The following PHACTR4 variants were observed in gnomAD, a reference collection of about 807,000 sequenced individuals.
PHACTR4 encodes phosphatase and actin regulator 4.
In PHACTR4, 51 loss-of-function variants were observed where a neutral mutation model predicts 72.7. That is an observed-to-expected ratio of 0.70 (90% CI 0.56 to 0.89). The LOEUF (loss-of-function observed/expected upper bound fraction) is 0.89. PHACTR4 is among the 40% of genes least tolerant of loss of function. The pLI, the probability that PHACTR4 is intolerant of heterozygous loss-of-function variation, is 0.00. For synonymous variants in PHACTR4, 255 were observed against 302.5 expected (o/e 0.84, Z 1.63); for missense variants, 731 against 861.8 (o/e 0.85, Z 1.90).
intron 4 of PHACTR4, among the ~76,000 whole-genome samples, chr1:28,460,509 CT>C (rs201865724): frequency 2.0e-5 from 3 of 149,494 alleles, no homozygotes; most frequent in South Asian, 4.2e-4. Flanking sequence ...TATTGCGTGT[CT>C]TTTTTTTCCC....
chr1:28,405,479 A>G (rs1569848797), intron 1 of PHACTR4, among the ~76,000 whole-genome samples: 1 of 151,740 alleles, frequency 6.6e-6, no homozygotes, highest in African/African-American at 2.4e-5. Context: ...GGTACAGGCC[A>G]CCATGCCCAG....
At chr1:28,371,160 T>G (rs1423859124) in intron 1 of PHACTR4, among the ~76,000 whole-genome samples, 1 of 152,172 alleles carries the variant, frequency 6.6e-6, no homozygotes, top group Non-Finnish European at 1.5e-5. Context: ...TTGCTGAAGC[T>G]TGAGTACAGT....
intron 8 of PHACTR4, among the ~76,000 whole-genome samples, chr1:28,478,321 T>G (rs1425162986): frequency 6.6e-6 from 1 of 152,198 alleles, no homozygotes; most frequent in African/African-American, 2.4e-5. Context: ...TTTAGTCTGA[T>G]TCCATATCTT....
At chr1:28,396,845 C>CTTTTTTTTTTTTTTTTT (rs60578939) in intron 1 of PHACTR4, among the ~76,000 whole-genome samples, 4 of 119,664 alleles carry the variant, frequency 3.3e-5, no homozygotes, top group African/African-American at 6.5e-5. Context: ...TTCTTTCTTT[C>CTTTTTTTTTTTTTTTTT]TTTTTTTTTT....
intron 2 of PHACTR4, among the ~76,000 whole-genome samples, chr1:28,458,387 A>T (rs1570019190): frequency 6.6e-6 from 1 of 152,074 alleles, no homozygotes; most frequent in East Asian, 1.9e-4. Context: ...AGCTTAAGCG[A>T]TCTGCCTGCC....
intron 8 of PHACTR4, 96 bp downstream of exon 8, chr1:28,476,387 AC>A: frequency 7.9e-7 from 1 of 1,265,594 alleles, no homozygotes; most frequent in Non-Finnish European, 1.1e-6. Flanking sequence ...GGAAACAGGT[AC>A]CTTCTCCCAT....
chr1:28,399,648 G>A (rs1653798580), intron 1 of PHACTR4, among the ~76,000 whole-genome samples: 1 of 152,104 alleles, frequency 6.6e-6, no homozygotes, highest in Non-Finnish European at 1.5e-5. Flanking sequence ...CAGGGATATA[G>A]TAGTGAACAG....
At chr1:28,473,047 G>C (rs1659670644) in intron 6 of PHACTR4, among the ~76,000 whole-genome samples, 2 of 151,094 alleles carry the variant, frequency 1.3e-5, no homozygotes, top group African/African-American at 4.9e-5. Context: ...GGCCAAGGCA[G>C]GTGGATCATT....
At chr1:28,433,670 C>T (rs1009301347) in intron 2 of PHACTR4, among the ~76,000 whole-genome samples, 1 of 151,494 alleles carries the variant, frequency 6.6e-6, no homozygotes, top group African/African-American at 2.4e-5. Flanking sequence ...GTTGGCCAGG[C>T]TGGTCTCAAA....
At chr1:28,470,299 A>G (rs1659481257) in intron 6 of PHACTR4, among the ~76,000 whole-genome samples, 1 of 151,862 alleles carries the variant, frequency 6.6e-6, no homozygotes, top group African/African-American at 2.4e-5. Flanking sequence ...AGATTGAGGT[A>G]AGAGGATTGG....
rs765644478 is a variant in PHACTR4 at position 28,491,024 on chromosome 1, T to C, written c.1878+12T>C. The C allele has an allele frequency of 5.0e-6, 8 of 1,609,612 alleles. No homozygotes were observed. Among genetic ancestry groups the C allele is most frequent in the Non-Finnish European group, 6.8e-6 (8 of 1,176,352 alleles). Reference sequence around the variant, plus strand: ...GGCTCACTAGAAAGGTACTACTGCCTGTGTGTTCAGTTAACTATATGTGTT... The same window carrying C: ...GGCTCACTAGAAAGGTACTACTGCCCGTGTGTTCAGTTAACTATATGTGTT... On this transcript the variant is annotated intron_variant, in intron 11 of 13. Coordinates refer to ENST00000373839, the MANE Select transcript of PHACTR4 (RefSeq NM_001048183.3).
intron 1 of PHACTR4, among the ~76,000 whole-genome samples, chr1:28,377,525 C>G (rs951683163): frequency 6.6e-6 from 1 of 152,022 alleles, no homozygotes; most frequent in Non-Finnish European, 1.5e-5. Context: ...CAGGCATGAG[C>G]CACCACACCC....
intron 9 of PHACTR4, among the ~76,000 whole-genome samples, chr1:28,483,834 A>T (rs1660450171): frequency 6.6e-6 from 1 of 151,086 alleles, no homozygotes; most frequent in South Asian, 2.1e-4. Context: ...GAGATAAATC[A>T]GCCATAATCC....
chr1:28,476,261 G>A lies in PHACTR4; in HGVS notation c.1576G>A (p.Asp526Asn). The A allele has an allele frequency of 6.2e-7, 1 of 1,601,360 alleles. No individual in the cohort carries two copies. Among genetic ancestry groups the A allele is most frequent in the Non-Finnish European group, 8.5e-7 (1 of 1,176,628 alleles). Residue 526 changes from aspartate to asparagine, a missense_variant, in exon 8 of 14, where the codon GAT becomes AAT. Physicochemically the swap from Asp to Asn is conservative, Grantham distance 23. This residue lies in a region of PHACTR4 where 621 missense variants were observed against 676.6 expected (regional missense o/e 0.92). Transcript: ENST00000373839. ...SDSEGPIQYR[D>N]EEDEDESYQS... is the part of the protein sequence containing the mutation. ...TTCAGAAGGTCCCATTCAGTACCGA[G>A]ATGAAGAAGATGAAGATGAAAGCTA... is the stretch of plus-strand genomic sequence containing the variant.
At chr1:28,453,069 A>G (rs1340759003) in intron 2 of PHACTR4, among the ~76,000 whole-genome samples, 4 of 152,130 alleles carry the variant, frequency 2.6e-5, no homozygotes, top group Non-Finnish European at 5.9e-5. Context: ...TGGTGAGCCG[A>G]GATCACGCCA....
chr1:28,460,343 G>T (rs749368425), intron 4 of PHACTR4, 51 bp downstream of exon 4: 12 of 1,296,258 alleles, frequency 9.3e-6, no homozygotes, highest in Non-Finnish European at 8.9e-6. Context: ...CTTGGTCTTT[G>T]ATTGGGTCTG....
intron 12 of PHACTR4, among the ~76,000 whole-genome samples, chr1:28,492,237 G>A (rs770805144): frequency 1.4e-4 from 21 of 152,088 alleles, no homozygotes; most frequent in Non-Finnish European, 2.6e-4. Flanking sequence ...AGGAGTTCGA[G>A]ACCAGCCTGG....
chr1:28,383,616 C>T (rs1203722273), intron 1 of PHACTR4, among the ~76,000 whole-genome samples: 2 of 151,900 alleles, frequency 1.3e-5, no homozygotes, highest in South Asian at 2.1e-4. Flanking sequence ...GTGTAGCAGT[C>T]GTGAAAGGGA....
At chr1:28,441,208 C>CT (rs888165675) in intron 2 of PHACTR4, among the ~76,000 whole-genome samples, 7 of 150,530 alleles carry the variant, frequency 4.7e-5, no homozygotes, top group African/African-American at 9.8e-5. Context: ...AGGCATACTT[C>CT]TTTTTTTTTA....
Sources: gnomAD v4.1 joint callset for allele counts (sites outside exome capture counted in the v4.1 genomes callset) on GRCh38, gnomAD v4.1.1 for gene constraint, gnomAD v4.1.1 regional missense constraint, MANE v1.5 for transcripts, NCBI Gene and HGNC (gene_info 2026-07-23, HGNC 2026-07-21) for gene names.